Variants in RNF20 observed in about 807,000 individuals in gnomAD.
RNF20 encodes ring finger protein 20.
RNF20 carries 84 observed loss-of-function variants against 126.2 expected under a neutral mutation model. That is an observed-to-expected ratio of 0.67 (90% CI 0.56 to 0.80). RNF20 has a LOEUF of 0.80. Ranked by LOEUF, RNF20 falls within the 30% of genes least tolerant of loss-of-function variation. The probability of loss-of-function intolerance (pLI) is 0.00; values close to 1 mark genes in which losing one functional copy is unlikely to be tolerated. For missense variants in RNF20, 869 were observed against 1,188.2 expected (o/e 0.73, Z 3.95); for synonymous variants, 400 against 414.3 (o/e 0.97, Z 0.42).
chr9:101,550,892 ATAGAGTGGCAG>A, intron 10 of RNF20, 107 bp downstream of exon 10: 1 of 1,028,660 alleles, frequency 9.7e-7, no homozygotes, highest in East Asian at 2.4e-5. Context: ...GCTGTCATTC[ATAGAGTGGCAG>A]TAGGTCTTTA....
chr9:101,535,049 C>A (rs192158247), intron 1 of RNF20, among the ~76,000 whole-genome samples: 7,603 of 151,336 alleles, frequency 0.05, 256 homozygotes, highest in South Asian at 0.09. Context: ...CTGGGACTAC[C>A]GGCGCCCGCC....
At chr9:101,547,244 G>A in intron 8 of RNF20, 30 bp downstream of exon 8, 1 of 1,611,630 alleles carries the variant, frequency 6.2e-7, no homozygotes, top group Non-Finnish European at 8.5e-7. Context: ...ACATGTTTTG[G>A]ACTGTATGTC....
rs1179902831 is a variant in RNF20, at chr9:101,552,369, C to G, written c.1531-14C>G. 6.2e-7 allele frequency: 1 copy of G among 1,605,688 alleles called. No individual in the cohort carries two copies. The highest frequency in any genetic ancestry group is 8.5e-7 in the Non-Finnish European group (1 of 1,174,620). On this transcript the variant is annotated splice_polypyrimidine_tract_variant and intron_variant, in intron 12 of 19. Transcript: ENST00000389120. ...CATAAGAGATGTGCATCTTTCTTTT[C>G]TTTATTCTCCCAGACACGCCTGCGT... is the stretch of plus-strand genomic sequence containing the variant.
chr9:101,541,944 G>T (rs1476709992), intron 5 of RNF20, among the ~76,000 whole-genome samples: 1 of 152,056 alleles, frequency 6.6e-6, no homozygotes, highest in African/African-American at 2.4e-5. Flanking sequence ...GTCATTTGTG[G>T]CATAAATACC....
chr9:101,542,503 T>C (rs1827276019), intron 5 of RNF20, among the ~76,000 whole-genome samples: 1 of 152,242 alleles, frequency 6.6e-6, no homozygotes, highest in Non-Finnish European at 1.5e-5. Context: ...TTTCTAGCAC[T>C]GCATCTGGCA....
chr9:101,541,749 A>T, intron 5 of RNF20, among the ~76,000 whole-genome samples: 1 of 152,204 alleles, frequency 6.6e-6, no homozygotes, highest in East Asian at 1.9e-4. Context: ...GTTTTTAAAA[A>T]GAGTTGGTGC....
intron 9 of RNF20, among the ~76,000 whole-genome samples, chr9:101,549,638 C>T (rs1051538996): frequency 6.6e-6 from 1 of 152,152 alleles, no homozygotes; most frequent in Non-Finnish European, 1.5e-5. Flanking sequence ...GACACTTACG[C>T]TACCGCTAGA....
Position 101,547,265 on chromosome 9 carries a change from C to G in RNF20, c.972+51C>G, listed in dbSNP as rs1025962239. 3 of 1,599,242 alleles carry G rather than the reference C, an allele frequency of 1.9e-6. No individual in the cohort carries two copies. In the African/African-American group the frequency reaches 4.0e-5, roughly 21 times the overall value. ...TTTGGACTGTATGTCAGCTTTCATG[C>G]TTAGGTACTTAGGACTGTGTTCACA... On this transcript the variant is annotated intron_variant, in intron 8 of 19. Transcript: ENST00000389120.
Position 101,560,824 on chromosome 9 carries a change from A to T in RNF20, c.2406A>T (p.Val802=). ...AGGTTGATGCCCAGCTACAGGTAGT[A>T]AGGAAACTGGAAGAGAAGGAGCATC... is the stretch of plus-strand genomic sequence containing the variant. ...KTQVDAQLQV[V]RKLEEKEHLL... is the part of the protein sequence containing the mutation. The change falls in exon 17 of 20, where the codon GTA becomes GTT. Residue 802 remains valine, a synonymous_variant. Coordinates refer to ENST00000389120, the MANE Select transcript of RNF20 (RefSeq NM_019592.7). 6.2e-7 allele frequency: 1 copy of T among 1,613,242 alleles called. No individual in the cohort carries two copies. The highest frequency in any genetic ancestry group is 2.2e-5 in the East Asian group (1 of 44,850).
chr9:101,540,830 T>G lies in RNF20; in HGVS notation c.483T>G (p.Thr161=). 1 of 1,614,102 alleles carries G rather than the reference T, an allele frequency of 6.2e-7. No homozygotes were observed. The change falls in exon 5 of 20, where the codon ACT becomes ACG. Residue 161 remains threonine (T), a synonymous_variant. Coordinates refer to ENST00000389120, the MANE Select transcript of RNF20 (RefSeq NM_019592.7). The part of the protein sequence containing the change: ...GQEPAFSFLA[T]LASSSSEEME... ...AGCCAGCTTTCTCTTTCCTTGCTAC[T>G]TTGGCCAGCAGTTCCAGTGAAGAGA...
intron 13 of RNF20, among the ~76,000 whole-genome samples, chr9:101,553,226 C>T (rs919450668): frequency 6.6e-6 from 1 of 152,182 alleles, no homozygotes; most frequent in African/African-American, 2.4e-5. Flanking sequence ...CTCCTATACA[C>T]ATTGACACAC....
Position 101,546,969 on chromosome 9 carries a change from C to G in RNF20, c.894+3C>G. ...ACTTAGCAGAAGTCCTAGAACGGGTCAGTGCTGTTTTATGGCTTGGAGACT... is the reference window on the plus strand; with the variant it reads ...ACTTAGCAGAAGTCCTAGAACGGGTGAGTGCTGTTTTATGGCTTGGAGACT... On this transcript the variant is annotated splice_donor_region_variant and intron_variant, in intron 7 of 19. Transcript: ENST00000389120. 2 of 1,613,962 alleles carry G rather than the reference C, an allele frequency of 1.2e-6. No individual in the cohort carries two copies. Among genetic ancestry groups the G allele is most frequent in the Non-Finnish European group, 1.7e-6 (2 of 1,179,956 alleles).
Position 101,540,215 on chromosome 9 carries a change from A to G in RNF20, c.142A>G (p.Ile48Val). 6.2e-7 allele frequency: 1 copy of G among 1,614,196 alleles called. No individual in the cohort carries two copies. Among genetic ancestry groups the G allele is most frequent in the Non-Finnish European group, 8.5e-7 (1 of 1,180,022 alleles). Residue 48 changes from isoleucine (I) to valine (V), a missense_variant, in exon 3 of 20, where the codon ATT becomes GTT. By Grantham distance (29) the Ile-to-Val change is conservative (BLOSUM62 3). Coordinates refer to ENST00000389120, the MANE Select transcript of RNF20 (RefSeq NM_019592.7). Reference protein sequence around the residue: ...GGVSSTEELDIRTLQTKNRKL... With the variant: ...GGVSSTEELDVRTLQTKNRKL... ...GTTTACTGGGCAGGAGGAACTAGAC[A>G]TTAGAACACTGCAAACCAAAAATCG...
Position 101,562,175 on chromosome 9 carries a change from T to G in RNF20, c.2752-71T>G, listed in dbSNP as rs1466360453. On this transcript the variant is annotated intron_variant, in intron 19 of 19. Coordinates refer to ENST00000389120, the MANE Select transcript of RNF20 (RefSeq NM_019592.7). ...GCCTTGTGGGTTTTCTTCTTGGTTG[T>G]GTAGTATATGAGAGCCATTTGGATC... 1.4e-5 allele frequency: 21 copies of G among 1,497,852 alleles called. No individual in the cohort carries two copies. In the African/African-American group the frequency reaches 2.6e-4, roughly 19 times the overall value. The allele number at this position is 1,497,852 out of a possible 1,614,324, so 92.8% of individuals were successfully genotyped here.
At chr9:101,551,945 A>C in intron 11 of RNF20, 126 bp downstream of exon 11, 1 of 1,306,502 alleles carries the variant, frequency 7.7e-7, no homozygotes, top group Non-Finnish European at 1.1e-6. Flanking sequence ...AAATCCTATA[A>C]TTCATTTTGG....
chr9:101,540,877 G>A lies in RNF20; in HGVS notation c.530G>A (p.Arg177His). The A allele has an allele frequency of 6.2e-7, 1 of 1,613,918 alleles. No individual in the cohort carries two copies. The change falls in exon 5 of 20, where the codon CGT (arginine) becomes CAT (histidine). Residue 177 changes from arginine (R) to histidine (H), a missense_variant. Physicochemically the swap from Arg to His is conservative, Grantham distance 29. Transcript: ENST00000389120. ...SEEMESQLQE[R>H]VESSRRAVSQ... ...GAGATGGAGTCTCAGCTGCAGGAACGTGTGGAGTCTTCCCGCCGAGCCGTG... is the reference window on the plus strand; with the variant it reads ...GAGATGGAGTCTCAGCTGCAGGAACATGTGGAGTCTTCCCGCCGAGCCGTG...
intron 18 of RNF20, 191 bp downstream of exon 18, chr9:101,561,421 TAGTAGGCACA>T (rs1827627129): frequency 1.8e-6 from 1 of 557,242 alleles, no homozygotes; most frequent in African/African-American, 1.9e-5. Flanking sequence ...GCCTTGCACC[TAGTAGGCACA>T]AAATAAATAT....
At chr9:101,534,485 A>G (rs945051842) in intron 1 of RNF20, among the ~76,000 whole-genome samples, 1 of 152,130 alleles carries the variant, frequency 6.6e-6, no homozygotes, top group Non-Finnish European at 1.5e-5. Context: ...TAGGGAAAAC[A>G]CTGCAAACGT....
intron 19 of RNF20, 106 bp downstream of exon 19, chr9:101,562,117 G>A: frequency 7.7e-7 from 1 of 1,296,186 alleles, no homozygotes; most frequent in Non-Finnish European, 1.1e-6. Flanking sequence ...GTTTATTTTG[G>A]AGGTTGGGGG....
Sources: gnomAD v4.1 joint callset for allele counts (sites outside exome capture counted in the v4.1 genomes callset) on GRCh38, gnomAD v4.1.1 for gene constraint, MANE v1.5 for transcripts, NCBI Gene and HGNC (gene_info 2026-07-23, HGNC 2026-07-21) for gene names.